Variants in SLC2A9 observed in about 807,000 individuals in gnomAD.
SLC2A9 encodes the protein solute carrier family 2 member 9, also known as solute carrier family 2, facilitated glucose transporter member 9.
Under a neutral mutation model 50.6 loss-of-function variants are expected in SLC2A9, and 39 were observed. The observed-to-expected ratio is 0.77, with a 90% CI of 0.60 to 1.01. The LOEUF is 1.01. Among genes scored for constraint, SLC2A9 ranks in the 50% least tolerant of loss-of-function variants. The pLI, the probability that SLC2A9 is intolerant of heterozygous loss-of-function variation, is 0.00. For missense variants in SLC2A9, 686 were observed against 677.6 expected, an observed-to-expected ratio of 1.01 and a Z score of -0.14; for synonymous variants, 324 against 276.9, an observed-to-expected ratio of 1.17 and a Z score of -1.69.
intron 5 of SLC2A9, among the ~76,000 whole-genome samples, chr4:9,962,910 T>G (rs942431316): frequency 1.3e-5 from 2 of 152,208 alleles, no homozygotes; most frequent in Non-Finnish European, 2.9e-5. Context: ...TTTTTGTTTT[T>G]GCACTGGCTA....
chr4:9,814,114 T>A (rs1051947965), intron 3 of SLC2A9, among the ~76,000 whole-genome samples: 9 of 152,140 alleles, frequency 5.9e-5, no homozygotes, highest in African/African-American at 2.2e-4. Flanking sequence ...CACTGCAGCC[T>A]GGGCAACAGA....
At chr4:9,852,682 C>A (rs1421292947) in intron 10 of SLC2A9, among the ~76,000 whole-genome samples, 1 of 152,232 alleles carries the variant, frequency 6.6e-6, no homozygotes, top group African/African-American at 2.4e-5. Flanking sequence ...ACCACCAGAT[C>A]TGCCATATAA....
intron 10 of SLC2A9, among the ~76,000 whole-genome samples, chr4:9,852,532 A>C (rs892396960): frequency 6.6e-6 from 1 of 151,902 alleles, no homozygotes; most frequent in South Asian, 2.1e-4. Flanking sequence ...GATTACAGGC[A>C]TGAGCCACCG....
At chr4:9,871,446 C>T (rs1038946019) in intron 10 of SLC2A9, among the ~76,000 whole-genome samples, 8 of 152,152 alleles carry the variant, frequency 5.3e-5, no homozygotes, top group Admixed American at 4.6e-4. Context: ...AAACCATCCA[C>T]GCCTCTCTCC....
At chr4:10,036,330 A>G (rs1462533141) in intron 1 of SLC2A9, among the ~76,000 whole-genome samples, 1 of 152,196 alleles carries the variant, frequency 6.6e-6, no homozygotes, top group African/African-American at 2.4e-5. Context: ...AAAAAAAAAG[A>G]ATAACTAAGT....
At chr4:9,857,276 A>G (rs1280546172) in intron 10 of SLC2A9, among the ~76,000 whole-genome samples, 1 of 152,032 alleles carries the variant, frequency 6.6e-6, no homozygotes, top group Non-Finnish European at 1.5e-5. Context: ...CCAGCTGCAG[A>G]GCATTTGTTT....
intron 10 of SLC2A9, among the ~76,000 whole-genome samples, chr4:9,851,383 C>A (rs1055898379): frequency 3.9e-5 from 6 of 152,248 alleles, no homozygotes; most frequent in South Asian, 2.1e-4. Flanking sequence ...TGCAATCAAA[C>A]CCTCAAGGGC....
At chr4:9,889,316 G>A (rs1020103720) in intron 9 of SLC2A9, among the ~76,000 whole-genome samples, 1 of 152,204 alleles carries the variant, frequency 6.6e-6, no homozygotes, top group East Asian at 1.9e-4. Context: ...CACTGGAGGA[G>A]ACAAGGGTGG....
chr4:9,999,471 T>G (rs1440986362), intron 2 of SLC2A9, among the ~76,000 whole-genome samples: 1 of 152,078 alleles, frequency 6.6e-6, no homozygotes, highest in Non-Finnish European at 1.5e-5. Flanking sequence ...ATGCTGCCAT[T>G]TAACATGGAA....
Position 9,783,070 on chromosome 4 carries a change from C to G in SLC2A9, n.386-3005G>C. 1.9e-6 allele frequency: 3 copies of G among 1,614,234 alleles called. No individual in the cohort carries two copies. Among genetic ancestry groups the G allele is most frequent in the African/African-American group, 1.3e-5 (1 of 75,064 alleles). ...CCACCTTCGACGTCTTCGTCTGGTTCGGCTGGGCTAACTCCTCACTCAACC... is the reference window on the plus strand; with the variant it reads ...CCACCTTCGACGTCTTCGTCTGGTTGGGCTGGGCTAACTCCTCACTCAACC... On this transcript the variant is annotated intron_variant and non_coding_transcript_variant, in intron 3 of 3. Transcript: ENST00000503803.
intron 6 of SLC2A9, among the ~76,000 whole-genome samples, chr4:9,931,942 C>CAA (rs1175530586): frequency 5.0e-5 from 3 of 59,782 alleles, no homozygotes; most frequent in South Asian, 7.0e-4. Context: ...CTCTCTCTCT[C>CAA]TCTCTCTCTC....
At chr4:9,788,574 C>A (rs531250480) in intron 3 of SLC2A9, among the ~76,000 whole-genome samples, 2 of 152,018 alleles carry the variant, frequency 1.3e-5, no homozygotes, top group Admixed American at 6.6e-5. Context: ...AGGTATGGGA[C>A]CTGGGGACAC....
At chr4:9,960,395 G>A (rs929157017) in intron 5 of SLC2A9, among the ~76,000 whole-genome samples, 1 of 152,194 alleles carries the variant, frequency 6.6e-6, no homozygotes, top group African/African-American at 2.4e-5. Flanking sequence ...ACCTAAGTTG[G>A]TGGACAATAT....
chr4:9,778,577 C>T (rs897875239), downstream of SLC2A9, among the ~76,000 whole-genome samples: 1 of 152,186 alleles, frequency 6.6e-6, no homozygotes, highest in Non-Finnish European at 1.5e-5. Context: ...ATACCTCTCC[C>T]CACTTCTCTG....
At chr4:9,868,430 C>T (rs1732861526) in intron 10 of SLC2A9, among the ~76,000 whole-genome samples, 1 of 152,196 alleles carries the variant, frequency 6.6e-6, no homozygotes, top group African/African-American at 2.4e-5. Flanking sequence ...GCTGGAAAGC[C>T]CTTGACTTTA....
chr4:9,862,728 T>TCA (rs776053915), intron 10 of SLC2A9, among the ~76,000 whole-genome samples: 1 of 151,826 alleles, frequency 6.6e-6, no homozygotes, highest in African/African-American at 2.4e-5. Flanking sequence ...CCTGTCCATA[T>TCA]CACAAAAGCA....
intron 1 of SLC2A9, among the ~76,000 whole-genome samples, chr4:9,772,422 C>A (rs1716941820): frequency 6.6e-6 from 1 of 152,234 alleles, no homozygotes; most frequent in African/African-American, 2.4e-5. Flanking sequence ...TCTTACTGTG[C>A]ACATGACCAG....
downstream of SLC2A9, among the ~76,000 whole-genome samples, chr4:9,795,160 G>A (rs1349215247): frequency 1.3e-5 from 2 of 151,794 alleles, no homozygotes; most frequent in Non-Finnish European, 2.9e-5. Context: ...ACAGGTGCAC[G>A]CCCCCACACT....
chr4:9,810,081 T>G (rs185849919), intron 3 of SLC2A9, among the ~76,000 whole-genome samples: 82 of 152,276 alleles, frequency 5.4e-4, no homozygotes, highest in Admixed American at 1.9e-3. Flanking sequence ...GGCATTGCAC[T>G]GATCACCATT....
Sources: gnomAD v4.1 joint callset for allele counts (sites outside exome capture counted in the v4.1 genomes callset) on GRCh38, gnomAD v4.1.1 for gene constraint, MANE v1.5 for transcripts, NCBI Gene and HGNC (gene_info 2026-07-23, HGNC 2026-07-21) for gene names.